The following PPFIA1 variants were observed in gnomAD, a reference collection of about 807,000 sequenced individuals.
PPFIA1 encodes liprin-alpha-1.
Under a neutral mutation model 149.9 loss-of-function variants are expected in PPFIA1, and 25 were observed. The ratio of observed to expected loss-of-function variants is 0.17; its 90% CI spans 0.12 to 0.23. The LOEUF is 0.23. PPFIA1 is among the 10% of genes least tolerant of loss of function. The pLI, the probability that PPFIA1 is intolerant of heterozygous loss-of-function variation, is 1.00. For missense variants in PPFIA1, 1,362 were observed against 1,506.5 expected (o/e 0.90, Z 1.59); for synonymous variants, 549 against 552.8 (o/e 0.99, Z 0.10).
In PPFIA1 at chr11:70,326,296, A is replaced by G. The variant is rs201970155; in HGVS notation, c.641A>G (p.Lys214Arg). 92 of 1,608,234 alleles carry G rather than the reference A, an allele frequency of 5.7e-5. No homozygotes were observed. Among genetic ancestry groups the G allele is most frequent in the Non-Finnish European group, 6.5e-5 (76 of 1,176,584 alleles). Reference protein sequence around the residue: ...MILKEQNNQKKTLTDGVLDIN... With the variant: ...MILKEQNNQKRTLTDGVLDIN... Reference sequence around the variant, plus strand: ...CTTAAAGAACAGAATAATCAGAAAAAAACTCTAACAGATGGAGTGCTGGAC... The same window carrying G: ...CTTAAAGAACAGAATAATCAGAAAAGAACTCTAACAGATGGAGTGCTGGAC... Residue 214 changes from lysine (K) to arginine (R), a missense_variant, in exon 6 of 28, where the codon AAA (lysine) becomes AGA (arginine). Physicochemically the swap from Lys to Arg is conservative, Grantham distance 26. Around this residue, in one of 7 missense-constraint regions of PPFIA1, gnomAD observed 733 missense variants for 744.1 expected, o/e 0.99. Transcript: ENST00000253925.
chr11:70,352,781 C>T (rs1293951187), intron 16 of PPFIA1, among the ~76,000 whole-genome samples: 1 of 68,038 alleles, frequency 1.5e-5, no homozygotes, highest in South Asian at 5.8e-4. Context: ...TGTCGGAGGG[C>T]GGCGTGTGGA....
rs754149473 is a variant in PPFIA1 at position 70,324,485 on chromosome 11, A to G, written c.348A>G (p.Ala116=). Residue 116 remains alanine, a synonymous_variant, in exon 3 of 28, where the codon GCA becomes GCG. Transcript: ENST00000253925. ...AAGAAGAAATTGCTGAACTGAAAGC[A>G]GAAAGGAATAACACCAGGGTGAGTG... The part of the protein sequence containing the change: ...EREEEIAELK[A]ERNNTRLLLE... The G allele has an allele frequency of 4.3e-6, 7 of 1,611,332 alleles. No homozygotes were observed. In the South Asian group the frequency reaches 7.7e-5, roughly 18 times the overall value.
intron 2 of PPFIA1, among the ~76,000 whole-genome samples, chr11:70,273,038 G>A (rs2050183249): frequency 6.6e-6 from 1 of 152,248 alleles, no homozygotes; most frequent in Admixed American, 6.5e-5. Context: ...AGCACTCTGG[G>A]AGGCTGAGGC....
rs76302866 is a variant in PPFIA1 at position 70,281,896 on chromosome 11, C to T, written c.264+9460C>T. On this transcript the variant is annotated intron_variant, in intron 2 of 27. Coordinates refer to ENST00000253925, the MANE Select transcript of PPFIA1 (RefSeq NM_003626.5). ...GGTTGCCGGGCTACAGGCCACCCCG[C>T]GTATCACTGAAACTGGAGCTGAAGC... 6.0e-3 allele frequency among the ~76,000 whole-genome samples: 920 copies of T among 152,280 alleles called. 10 individuals are homozygous for T. Among genetic ancestry groups the T allele is most frequent in the African/African-American group, 0.02 (825 of 41,556 alleles).
At chr11:70,336,672 A>C (rs937167347) in intron 11 of PPFIA1, among the ~76,000 whole-genome samples, 2 of 152,182 alleles carry the variant, frequency 1.3e-5, no homozygotes, top group African/African-American at 4.8e-5. Context: ...GACTCTGAGT[A>C]CTGTCATCAT....
At position 70,338,418 on chromosome 11, in the gene PPFIA1, C is replaced by G. The variant is rs774316313; in HGVS notation, c.1536C>G (p.Asp512Glu). The change falls in exon 13 of 28, where the codon GAC becomes GAG. Residue 512 changes from aspartate to glutamate, a missense_variant. Around this residue, in one of 7 missense-constraint regions of PPFIA1, gnomAD observed 733 missense variants for 744.1 expected, o/e 0.99. Transcript: ENST00000253925. ...LNIEALRAELDHMRLRGASLH... is the reference protein window; with the variant it reads ...LNIEALRAELEHMRLRGASLH... ...TTGAAGCACTGAGGGCTGAACTAGA[C>G]CACATGAGACTAAGAGGTGCTTCAC... is the stretch of plus-strand genomic sequence containing the variant. 2.0e-5 allele frequency: 32 copies of G among 1,613,258 alleles called. No individual in the cohort carries two copies. In the Admixed American group the frequency reaches 5.3e-4, roughly 27 times the overall value.
intron 24 of PPFIA1, chr11:70,375,319 C>T (rs2057448255): frequency 2.7e-6 from 1 of 365,228 alleles, no homozygotes; most frequent in Non-Finnish European, 4.8e-6. Context: ...TTCATTCCAG[C>T]CCATGTGCCT....
chr11:70,326,510 T>G, intron 6 of PPFIA1, 87 bp from the exon 7 acceptor site: 1 of 1,331,924 alleles, frequency 7.5e-7, no homozygotes, highest in Non-Finnish European at 1.1e-6. Context: ...CATAAGTCAG[T>G]TTTGATTTTA....
Position 70,355,810 on chromosome 11 carries a change from A to C in PPFIA1, c.2487A>C (p.Gln829His). ...AAACTGGCAAAGAAGCATTAGGACA[A>C]GGTTGGTTGGTTTTCCGCACCCTTC... ...PGQTGKEALGQAGVSETDNSS... is the reference protein window; with the variant it reads ...PGQTGKEALGHAGVSETDNSS... The change falls in exon 18 of 28, where the codon CAA becomes CAC. Residue 829 changes from glutamine (Q) to histidine (H), a missense_variant and splice_region_variant. Gln to His is a conservative substitution (Grantham distance 24). Coordinates refer to ENST00000253925, the MANE Select transcript of PPFIA1 (RefSeq NM_003626.5). 1 of 1,607,402 alleles carries C rather than the reference A, an allele frequency of 6.2e-7. No homozygotes were observed. The highest frequency in any genetic ancestry group is 8.5e-7 in the Non-Finnish European group (1 of 1,177,864).
At chr11:70,296,794 T>C (rs2052075313) in intron 2 of PPFIA1, among the ~76,000 whole-genome samples, 1 of 151,394 alleles carries the variant, frequency 6.6e-6, no homozygotes, top group Non-Finnish European at 1.5e-5. Context: ...GAGAATTTTC[T>C]TTATCACATT....
At chr11:70,275,684 A>G (rs1214407029) in intron 2 of PPFIA1, among the ~76,000 whole-genome samples, 3 of 152,176 alleles carry the variant, frequency 2.0e-5, no homozygotes, top group Non-Finnish European at 2.9e-5. Context: ...AGTGTACTAC[A>G]TGCAGTGTCA....
chr11:70,295,080 AG>A (rs2051816982), intron 2 of PPFIA1, among the ~76,000 whole-genome samples: 2 of 152,082 alleles, frequency 1.3e-5, no homozygotes, highest in Admixed American at 1.3e-4. Flanking sequence ...TACACCTCCC[AG>A]ACGGGGTGGT....
At chr11:70,358,679 T>C (rs962330921) in intron 19 of PPFIA1, 2 of 152,248 alleles carry the variant, frequency 1.3e-5, no homozygotes, top group African/African-American at 4.8e-5. Context: ...AAGGTGTGTT[T>C]TAACTGCAAA....
chr11:70,293,912 T>C (rs939613924), intron 2 of PPFIA1, among the ~76,000 whole-genome samples: 1 of 151,400 alleles, frequency 6.6e-6, no homozygotes, highest in Non-Finnish European at 1.5e-5. Context: ...TTAAATACTC[T>C]GTAGTTCCTG....
chr11:70,309,625 G>A (rs2053122370), intron 2 of PPFIA1, among the ~76,000 whole-genome samples: 1 of 151,076 alleles, frequency 6.6e-6, no homozygotes, highest in South Asian at 2.1e-4. Context: ...AAAAATCCCA[G>A]TTTTGCCTAA....
At chr11:70,300,638 A>G (rs1479096098) in intron 2 of PPFIA1, among the ~76,000 whole-genome samples, 1 of 148,498 alleles carries the variant, frequency 6.7e-6, no homozygotes, top group Non-Finnish European at 1.5e-5. Context: ...GTTTCATGCC[A>G]TTCTCCTGCC....
intron 2 of PPFIA1, among the ~76,000 whole-genome samples, chr11:70,306,609 G>A (rs1022498609): frequency 1.3e-5 from 2 of 152,318 alleles, no homozygotes; most frequent in East Asian, 1.9e-4. Context: ...CATAAGGCCC[G>A]ATGTGTGTAC....
At chr11:70,379,724 T>A (rs937183395) in intron 26 of PPFIA1, among the ~76,000 whole-genome samples, 3 of 152,178 alleles carry the variant, frequency 2.0e-5, no homozygotes, top group Admixed American at 6.5e-5. Flanking sequence ...ATCACCTGTA[T>A]AAAAATAAAA....
At chr11:70,338,258 T>A (rs1380667168) in intron 12 of PPFIA1, 116 bp from the exon 13 acceptor site, 3 of 797,320 alleles carry the variant, frequency 3.8e-6, no homozygotes, top group Admixed American at 4.9e-5. Context: ...TGTTTGGTAT[T>A]TGTAACTGCT....
Sources: gnomAD v4.1 joint callset for allele counts (sites outside exome capture counted in the v4.1 genomes callset) on GRCh38, gnomAD v4.1.1 for gene constraint, gnomAD v4.1.1 regional missense constraint, MANE v1.5 for transcripts, NCBI Gene and HGNC (gene_info 2026-07-23, HGNC 2026-07-21) for gene names.